Variants in DUSP22 observed in about 807,000 individuals in gnomAD.
DUSP22 encodes the protein dual specificity protein phosphatase 22.
A neutral mutation model predicts 24.5 loss-of-function variants in DUSP22; 24 were observed. The ratio of observed to expected loss-of-function variants is 0.98; its 90% CI spans 0.71 to 1.38. The LOEUF is 1.38. DUSP22 is among the 40% of genes most tolerant of loss of function. The pLI is 0.00. For missense variants in DUSP22, 330 were observed against 269.2 expected (o/e 1.23, Z -1.58); for synonymous variants, 160 against 106.4 (o/e 1.50, Z -3.10).
In DUSP22 at chr6:349,136, T is replaced by TAC; in HGVS notation, c.*186_*187dup. The TAC allele has an allele frequency of 7.0e-7, 1 of 1,435,760 alleles. No homozygotes were observed. The highest frequency in any genetic ancestry group is 9.1e-7 in the Non-Finnish European group (1 of 1,100,944). The allele number at this position is 1,435,760 out of a possible 1,614,324, so 88.9% of individuals were successfully genotyped here. A position where few individuals can be genotyped will look rare whatever the true frequency, so the allele number is the denominator to read the frequency against. Reference sequence around the variant, plus strand: ...CAGGCCCCTGCACTCCGCCCACCCCTACCCTGGCTGCACCTGAGCTTGCTG... The same window carrying TAC: ...CAGGCCCCTGCACTCCGCCCACCCCTACACCCTGGCTGCACCTGAGCTTGCTG... On this transcript the variant is annotated 3_prime_UTR_variant, in exon 7 of 7. Coordinates refer to ENST00000419235, the MANE Select transcript of DUSP22 (RefSeq NM_001286555.3).
Position 349,119 on chromosome 6 carries a change from T to C in DUSP22, c.*168T>C. ...ACCGCCCAGCCCTGCTCCAGGCCCC[T>C]GCACTCCGCCCACCCCTACCCTGGC... On this transcript the variant is annotated 3_prime_UTR_variant, in exon 7 of 7. Coordinates refer to ENST00000419235, the MANE Select transcript of DUSP22 (RefSeq NM_001286555.3). 1 of 1,443,584 alleles carries C rather than the reference T, an allele frequency of 6.9e-7. No homozygotes were observed. The highest frequency in any genetic ancestry group is 9.0e-7 in the Non-Finnish European group (1 of 1,105,388). 89.4% of individuals were successfully genotyped at this position (1,443,584 alleles called of 1,614,324 possible). A position where few individuals can be genotyped will look rare whatever the true frequency, so the allele number is the denominator to read the frequency against.
At chr6:331,489 C>T (rs915323394) in intron 3 of DUSP22, among the ~76,000 whole-genome samples, 3 of 152,402 alleles carry the variant, frequency 2.0e-5, no homozygotes, top group Admixed American at 6.5e-5. Flanking sequence ...CTTATCCTGT[C>T]CTTTATTTCT....
At chr6:337,925 G>T (rs815587) in intron 4 of DUSP22, 152,265 of 152,722 alleles carry the variant, frequency 1, 75,904 homozygotes, top group Middle Eastern at 1. Flanking sequence ...AGGCAAACTA[G>T]AAACGTGGGT....
At chr6:327,354 C>T (rs1041293015) in intron 3 of DUSP22, among the ~76,000 whole-genome samples, 2 of 152,306 alleles carry the variant, frequency 1.3e-5, no homozygotes, top group Admixed American at 6.5e-5. Flanking sequence ...GAGGCCGGCC[C>T]GCACTGGACG....
chr6:310,896 C>T (rs751735256), intron 2 of DUSP22, among the ~76,000 whole-genome samples: 59 of 152,390 alleles, frequency 3.9e-4, no homozygotes, highest in Non-Finnish European at 6.9e-4. Context: ...AATCTAAGTG[C>T]ATTTCAATTT....
chr6:317,119 G>A (rs957399418), intron 3 of DUSP22, among the ~76,000 whole-genome samples: 1 of 152,422 alleles, frequency 6.6e-6, no homozygotes. Context: ...GTTTGTAGTT[G>A]GCTTCTTCCT....
At chr6:302,205 T>TC (rs527310007) in intron 1 of DUSP22, among the ~76,000 whole-genome samples, 160 of 152,356 alleles carry the variant, frequency 1.1e-3, no homozygotes, top group African/African-American at 3.5e-3. Context: ...TTCCTGTTTT[T>TC]CATACCATTT....
intron 6 of DUSP22, 67 bp downstream of exon 6, chr6:348,341 C>G: frequency 6.3e-7 from 1 of 1,596,940 alleles, no homozygotes; most frequent in Non-Finnish European, 8.6e-7. Context: ...ACAGTCTTTC[C>G]GTACACAGCC....
chr6:295,717 C>T (rs1482281590), intron 1 of DUSP22, among the ~76,000 whole-genome samples: 2 of 152,020 alleles, frequency 1.3e-5, no homozygotes, highest in African/African-American at 4.8e-5. Flanking sequence ...GGAGAATCAC[C>T]TCAGCCCGGG....
At chr6:313,900 T>C (rs1193573300) in intron 3 of DUSP22, among the ~76,000 whole-genome samples, 1 of 152,312 alleles carries the variant, frequency 6.6e-6, no homozygotes, top group South Asian at 2.1e-4. Flanking sequence ...CATTAAGTTA[T>C]AGTCTCAGAA....
At chr6:328,076 G>A (rs1177866811) in intron 3 of DUSP22, among the ~76,000 whole-genome samples, 3 of 152,306 alleles carry the variant, frequency 2.0e-5, no homozygotes, top group Non-Finnish European at 4.4e-5. Context: ...GATACGTACA[G>A]AGAACACTCC....
At chr6:333,114 C>G (rs1759209143) in intron 3 of DUSP22, among the ~76,000 whole-genome samples, 1 of 152,308 alleles carries the variant, frequency 6.6e-6, no homozygotes, top group Non-Finnish European at 1.5e-5. Flanking sequence ...AGCTGTAATA[C>G]CACTCTAGGT....
At chr6:308,272 T>G (rs1757914104) in intron 2 of DUSP22, among the ~76,000 whole-genome samples, 1 of 152,308 alleles carries the variant, frequency 6.6e-6, no homozygotes, top group Non-Finnish European at 1.5e-5. Context: ...AGCTTGTGTC[T>G]GTGCACATTA....
At chr6:319,727 C>T (rs1486322338) in intron 3 of DUSP22, among the ~76,000 whole-genome samples, 2 of 152,302 alleles carry the variant, frequency 1.3e-5, no homozygotes, top group Admixed American at 1.3e-4. Flanking sequence ...TGCTGTTTGA[C>T]CTGGAATGGT....
intron 3 of DUSP22, among the ~76,000 whole-genome samples, chr6:314,242 A>C (rs2666946): frequency 1 from 151,834 of 152,382 alleles, 75,643 homozygotes; most frequent in Non-Finnish European, 1. Context: ...GCTGGGCCTC[A>C]TTTATTTCCC....
intron 3 of DUSP22, among the ~76,000 whole-genome samples, chr6:324,027 A>G (rs928176559): frequency 7.9e-5 from 12 of 152,290 alleles, no homozygotes; most frequent in African/African-American, 2.9e-4. Flanking sequence ...GGAAGATAAC[A>G]TTTCCAAGTG....
intron 4 of DUSP22, among the ~76,000 whole-genome samples, chr6:340,497 T>G (rs1166879360): frequency 4.6e-5 from 7 of 152,310 alleles, no homozygotes; most frequent in African/African-American, 1.7e-4. Flanking sequence ...TAGAATACTC[T>G]ACTCATTTGC....
intron 3 of DUSP22, chr6:325,653 A>C (rs369590848): frequency 1.6e-5 from 3 of 189,902 alleles, no homozygotes; most frequent in African/African-American, 9.4e-5. Context: ...GGGCTTCTGC[A>C]TCCTCGTGTG....
At chr6:336,072 G>C (rs1021400269) in intron 4 of DUSP22, among the ~76,000 whole-genome samples, 4 of 152,300 alleles carry the variant, frequency 2.6e-5, no homozygotes, top group African/African-American at 7.2e-5. Context: ...CGTCTTGGCT[G>C]TATAGAAGGG....
Sources: gnomAD v4.1 joint callset for allele counts (sites outside exome capture counted in the v4.1 genomes callset) on GRCh38, gnomAD v4.1.1 for gene constraint, MANE v1.5 for transcripts, NCBI Gene and HGNC (gene_info 2026-07-23, HGNC 2026-07-21) for gene names.